ST7: variants seen among roughly 807,000 people sequenced by gnomAD.
ST7 encodes suppressor of tumorigenicity 7 protein.
Under a neutral mutation model 78.7 loss-of-function variants are expected in ST7, and 28 were observed. The ratio of observed to expected loss-of-function variants is 0.36; its 90% CI spans 0.26 to 0.49. The LOEUF (loss-of-function observed/expected upper bound fraction) is 0.49. Ranked by LOEUF, ST7 falls within the 20% of genes least tolerant of loss-of-function variation. ST7 has a pLI of 0.99. For synonymous variants in ST7, 247 were observed against 249.6 expected, an observed-to-expected ratio of 0.99 and a Z score of 0.10; for missense variants, 418 against 696.0, an observed-to-expected ratio of 0.60 and a Z score of 4.49.
chr7:117,041,779 T>C (rs1797246178), intron 1 of ST7, among the ~76,000 whole-genome samples: 2 of 152,162 alleles, frequency 1.3e-5, no homozygotes, highest in African/African-American at 4.8e-5. Context: ...TGTCCTAATC[T>C]CTGAAACCTG....
chr7:116,967,528 G>T, intron 1 of ST7: 1 of 379,112 alleles, frequency 2.6e-6, no homozygotes. Flanking sequence ...ATTGTGTCCA[G>T]CCTTTCCATT....
chr7:117,178,505 G>A (rs1808508341), intron 10 of ST7, among the ~76,000 whole-genome samples: 1 of 152,144 alleles, frequency 6.6e-6, no homozygotes, highest in African/African-American at 2.4e-5. Flanking sequence ...TGTGGTCTGT[G>A]AGTGAATTGA....
chr7:117,001,431 T>C (rs972964686), intron 1 of ST7, among the ~76,000 whole-genome samples: 1 of 152,220 alleles, frequency 6.6e-6, no homozygotes, highest in African/African-American at 2.4e-5. Context: ...TCCATTTTCA[T>C]GGGAAGGAAC....
At chr7:116,995,253 A>C (rs564891704) in intron 1 of ST7, among the ~76,000 whole-genome samples, 1 of 152,344 alleles carries the variant, frequency 6.6e-6, no homozygotes, top group East Asian at 1.9e-4. Flanking sequence ...TACTCATAAG[A>C]GACAAAATAA....
rs1349002041 is a variant in ST7, at chr7:117,170,856, C to T, written c.964-6C>T. The T allele has an allele frequency of 1.3e-6, 2 of 1,542,776 alleles. No individual in the cohort carries two copies. Among genetic ancestry groups the T allele is most frequent in the South Asian group, 1.2e-5 (1 of 82,996 alleles). ...ACTAATTATTCCTTGGTTTCTTCTG[C>T]CCTAGTTAATGAAGGAGTTCCCCCT... On this transcript the variant is annotated splice_polypyrimidine_tract_variant and splice_region_variant and intron_variant, in intron 9 of 15. Transcript: ENST00000323984.
At chr7:117,191,455 T>C (rs1262523162) in intron 12 of ST7, among the ~76,000 whole-genome samples, 2 of 152,202 alleles carry the variant, frequency 1.3e-5, no homozygotes, top group Admixed American at 1.3e-4. Flanking sequence ...GTAGAAAATA[T>C]TTGTCTTAGT....
At chr7:117,039,809 T>C (rs1797111172) in intron 1 of ST7, among the ~76,000 whole-genome samples, 1 of 152,222 alleles carries the variant, frequency 6.6e-6, no homozygotes, top group Non-Finnish European at 1.5e-5. Flanking sequence ...GGCTGAGATC[T>C]TGGTAAGTCT....
intron 1 of ST7, among the ~76,000 whole-genome samples, chr7:116,963,262 G>C (rs1585049030): frequency 1.3e-5 from 2 of 152,326 alleles, no homozygotes; most frequent in East Asian, 1.9e-4. Context: ...TTGAGATGTT[G>C]TTGTAAAGAT....
chr7:117,107,682 C>T (rs575352593), intron 2 of ST7, among the ~76,000 whole-genome samples: 23 of 138,930 alleles, frequency 1.7e-4, no homozygotes, highest in Non-Finnish European at 2.9e-4. Flanking sequence ...GGCACAATCT[C>T]GGCTCACTGC....
At chr7:116,993,979 G>A (rs1794537947) in intron 1 of ST7, among the ~76,000 whole-genome samples, 1 of 152,098 alleles carries the variant, frequency 6.6e-6, no homozygotes, top group Non-Finnish European at 1.5e-5. Context: ...TAATTTCTTA[G>A]TTTTCTTTTT....
intron 1 of ST7, among the ~76,000 whole-genome samples, chr7:116,964,166 C>T (rs553798443): frequency 1.4e-3 from 210 of 152,152 alleles, no homozygotes; most frequent in Non-Finnish European, 2.4e-3. Context: ...TATTGTGTGA[C>T]CTAGATTTAG....
intron 9 of ST7, among the ~76,000 whole-genome samples, chr7:117,146,685 T>A (rs1296358379): frequency 1.3e-5 from 2 of 152,188 alleles, no homozygotes; most frequent in African/African-American, 4.8e-5. Context: ...ATTTGCTAAT[T>A]AATCAGATAT....
chr7:117,030,456 T>A (rs1342658487), intron 1 of ST7, among the ~76,000 whole-genome samples: 2 of 152,204 alleles, frequency 1.3e-5, no homozygotes, highest in African/African-American at 4.8e-5. Flanking sequence ...TTTGAGGGTA[T>A]GTCTTAACAA....
intron 9 of ST7, among the ~76,000 whole-genome samples, chr7:117,139,634 G>A (rs1805101765): frequency 6.6e-6 from 1 of 152,214 alleles, no homozygotes; most frequent in Non-Finnish European, 1.5e-5. Context: ...TTAGGCAACA[G>A]TGTAGCCCCC....
intron 1 of ST7, among the ~76,000 whole-genome samples, chr7:117,038,789 C>A (rs534906465): frequency 6.6e-6 from 1 of 151,998 alleles, no homozygotes; most frequent in Non-Finnish European, 1.5e-5. Flanking sequence ...ATTTAGTGAA[C>A]GTTTCTAGCT....
chr7:117,024,163 A>G (rs1471046219), intron 1 of ST7, among the ~76,000 whole-genome samples: 1 of 152,196 alleles, frequency 6.6e-6, no homozygotes, highest in African/African-American at 2.4e-5. Context: ...TCAAAATTAA[A>G]CAATTTTTCT....
At chr7:117,191,259 C>G (rs1162301971) in intron 12 of ST7, among the ~76,000 whole-genome samples, 1 of 152,050 alleles carries the variant, frequency 6.6e-6, no homozygotes, top group Non-Finnish European at 1.5e-5. Flanking sequence ...CAGTTATGGT[C>G]TCACATAGAC....
chr7:117,056,867 G>C (rs77599418), intron 1 of ST7, among the ~76,000 whole-genome samples: 3 of 151,824 alleles, frequency 2.0e-5, no homozygotes, highest in African/African-American at 4.8e-5. Flanking sequence ...TTGATAATTG[G>C]CTTCCTCTTA....
intron 1 of ST7, among the ~76,000 whole-genome samples, chr7:116,975,390 T>TTA (rs1793646888): frequency 6.6e-6 from 1 of 151,976 alleles, no homozygotes; most frequent in African/African-American, 2.4e-5. Context: ...CCATATCAGA[T>TTA]ATTATGGGGG....
Sources: allele counts gnomAD v4.1 joint callset (sites outside exome capture counted in the v4.1 genomes callset), GRCh38; gene constraint gnomAD v4.1.1; transcripts MANE v1.5; gene names NCBI Gene and HGNC (gene_info 2026-07-23, HGNC 2026-07-21).